The following FNDC3A variants were observed in gnomAD, a reference collection of about 807,000 sequenced individuals.
FNDC3A encodes the protein fibronectin type-III domain-containing protein 3A.
In FNDC3A, 32 loss-of-function variants were observed where a neutral mutation model predicts 148.9. The observed-to-expected ratio is 0.21, with a 90% confidence interval of 0.16 to 0.29. The LOEUF (loss-of-function observed/expected upper bound fraction) is 0.29, where lower values mean the gene tolerates loss of function less well. FNDC3A is among the 10% of genes least tolerant of loss of function. The probability of loss-of-function intolerance (pLI) is 1.00; values close to 1 mark genes in which losing one functional copy is unlikely to be tolerated. For synonymous variants in FNDC3A, 472 were observed against 473.6 expected, an observed-to-expected ratio of 1.00 and a Z score of 0.04; for missense variants, 1,191 against 1,452.8, an observed-to-expected ratio of 0.82 and a Z score of 2.93.
intron 3 of FNDC3A, among the ~76,000 whole-genome samples, chr13:49,103,340 A>G (rs779126181): frequency 6.6e-6 from 1 of 152,216 alleles, no homozygotes; most frequent in African/African-American, 2.4e-5. Flanking sequence ...TTTTGATCCC[A>G]GTGAAAACAA....
At chr13:49,089,096 T>A (rs1879019749) in intron 3 of FNDC3A, among the ~76,000 whole-genome samples, 1 of 152,094 alleles carries the variant, frequency 6.6e-6, no homozygotes, top group African/African-American at 2.4e-5. Flanking sequence ...AGATGAAAAA[T>A]GTTCTGGAGT....
At chr13:49,139,287 G>C (rs1882558554) in intron 7 of FNDC3A, among the ~76,000 whole-genome samples, 1 of 152,122 alleles carries the variant, frequency 6.6e-6, no homozygotes, top group Non-Finnish European at 1.5e-5. Context: ...ATTATCACTG[G>C]AGTATAGTGA....
rs1885541023 is a variant in FNDC3A, at chr13:49,185,878, C to T, written c.1618-86C>T. On this transcript the variant is annotated intron_variant, in intron 14 of 25. Coordinates refer to ENST00000492622, the MANE Select transcript of FNDC3A (RefSeq NM_001079673.2). ...AATGTATTTTATCATTTGGTTGAAG[C>T]TGTTTGTCTCCTATCACTTTGTTTA... The T allele has an allele frequency of 4.9e-6, 5 of 1,019,880 alleles. No individual in the cohort carries two copies. The Admixed American group carries it at 6.8e-5, about 14-fold the overall frequency. The allele number at this position is 1,019,880 out of a possible 1,614,324, so 63.2% of individuals were successfully genotyped here. A position where few individuals can be genotyped will look rare whatever the true frequency, so the allele number is the denominator to read the frequency against.
chr13:49,017,277 T>C (rs1872878708), intron 2 of FNDC3A, among the ~76,000 whole-genome samples: 1 of 152,224 alleles, frequency 6.6e-6, no homozygotes, highest in South Asian at 2.1e-4. Context: ...TTTATGAGTC[T>C]TGGTGCTCCT....
intron 8 of FNDC3A, among the ~76,000 whole-genome samples, chr13:49,159,135 A>C (rs969287445): frequency 1.3e-5 from 2 of 152,202 alleles, no homozygotes; most frequent in East Asian, 3.8e-4. Context: ...ACTTTAAAGT[A>C]GTTTTTTCCA....
chr13:49,022,266 G>T (rs1408297842), intron 2 of FNDC3A, among the ~76,000 whole-genome samples: 2 of 152,174 alleles, frequency 1.3e-5, no homozygotes, highest in South Asian at 4.1e-4. Flanking sequence ...GAGCTAGGTA[G>T]TAGAGTAAAG....
intron 3 of FNDC3A, among the ~76,000 whole-genome samples, chr13:49,086,354 G>T (rs1878815675): frequency 6.6e-6 from 1 of 152,104 alleles, no homozygotes; most frequent in Admixed American, 6.6e-5. Context: ...TTAAATTCTG[G>T]CCGGTATTGT....
intron 2 of FNDC3A, among the ~76,000 whole-genome samples, chr13:49,049,021 A>G (rs950904592): frequency 2.6e-5 from 4 of 152,186 alleles, no homozygotes; most frequent in Admixed American, 1.3e-4. Flanking sequence ...TTAATCATAA[A>G]GGGGTGCTGG....
At chr13:49,063,733 A>G (rs937078365) in intron 2 of FNDC3A, among the ~76,000 whole-genome samples, 1 of 152,106 alleles carries the variant, frequency 6.6e-6, no homozygotes, top group African/African-American at 2.4e-5. Context: ...GAAGTCCCAT[A>G]CTCACGTCTC....
chr13:49,032,290 T>C (rs986817952), intron 2 of FNDC3A, among the ~76,000 whole-genome samples: 4 of 152,152 alleles, frequency 2.6e-5, no homozygotes, highest in African/African-American at 9.7e-5. Flanking sequence ...CTCCTAGGTA[T>C]ATATCCAAGA....
At chr13:49,128,488 T>C (rs1368514331) in intron 4 of FNDC3A, among the ~76,000 whole-genome samples, 1 of 152,156 alleles carries the variant, frequency 6.6e-6, no homozygotes, top group Non-Finnish European at 1.5e-5. Context: ...TTTCTAGGTG[T>C]TAATAGTGCA....
At chr13:49,195,312 G>A (rs938036109) in intron 19 of FNDC3A, among the ~76,000 whole-genome samples, 10 of 151,984 alleles carry the variant, frequency 6.6e-5, no homozygotes, top group Non-Finnish European at 1.2e-4. Context: ...AAACAGTTAC[G>A]TTCACAATAT....
intron 8 of FNDC3A, among the ~76,000 whole-genome samples, chr13:49,165,099 T>C (rs997383246): frequency 6.6e-6 from 1 of 152,224 alleles, no homozygotes; most frequent in Non-Finnish European, 1.5e-5. Flanking sequence ...GCTTTTCTGT[T>C]TTTTCTTATA....
At chr13:49,204,314 C>G (rs894579611) in intron 25 of FNDC3A, among the ~76,000 whole-genome samples, 1 of 152,124 alleles carries the variant, frequency 6.6e-6, no homozygotes, top group Non-Finnish European at 1.5e-5. Context: ...ATACATTTCA[C>G]CTGATTTTCC....
chr13:49,019,528 G>C (rs555279047), intron 2 of FNDC3A, among the ~76,000 whole-genome samples: 1 of 152,300 alleles, frequency 6.6e-6, no homozygotes, highest in East Asian at 1.9e-4. Flanking sequence ...GATGAACCCG[G>C]TACCTCAGAT....
intron 2 of FNDC3A, among the ~76,000 whole-genome samples, chr13:49,071,060 G>GC (rs1555287145): frequency 1.3e-5 from 1 of 78,136 alleles, no homozygotes; most frequent in African/African-American, 4.2e-5. Context: ...CCCCATGCCG[G>GC]CTTTTTTTTT....
chr13:49,136,187 C>A, intron 5 of FNDC3A, 145 bp from the exon 6 acceptor site: 1 of 617,002 alleles, frequency 1.6e-6, no homozygotes, highest in Non-Finnish European at 2.8e-6. Flanking sequence ...TTTATGGAGA[C>A]ACAAAGGTTG....
intron 1 of FNDC3A, among the ~76,000 whole-genome samples, chr13:48,999,698 T>C (rs559441950): frequency 6.6e-6 from 1 of 152,304 alleles, no homozygotes; most frequent in East Asian, 1.9e-4. Context: ...GTGGAGACTT[T>C]GGGAGATAGT....
At chr13:48,991,332 G>T (rs1448426462) in intron 1 of FNDC3A, among the ~76,000 whole-genome samples, 1 of 151,846 alleles carries the variant, frequency 6.6e-6, no homozygotes, top group African/African-American at 2.4e-5. Context: ...AGATAAAGAG[G>T]ATTATTTCAT....
Sources: allele counts gnomAD v4.1 joint callset (sites outside exome capture counted in the v4.1 genomes callset), GRCh38; gene constraint gnomAD v4.1.1; transcripts MANE v1.5; gene names NCBI Gene and HGNC (gene_info 2026-07-23, HGNC 2026-07-21).